IQGAP2: variants seen among roughly 807,000 people sequenced by gnomAD.
The protein encoded by IQGAP2 is ras GTPase-activating-like protein IQGAP2.
IQGAP2 carries 173 observed loss-of-function variants against 201.3 expected under a neutral mutation model. That is an observed-to-expected ratio of 0.86 (90% confidence interval 0.76 to 0.98). IQGAP2 has a LOEUF of 0.98. Ranked by LOEUF, IQGAP2 falls within the 50% of genes least tolerant of loss-of-function variation. The probability of loss-of-function intolerance (pLI) is 0.00; values close to 1 mark genes in which losing one functional copy is unlikely to be tolerated. For synonymous variants in IQGAP2, 675 were observed against 673.9 expected (o/e 1.00, Z -0.03); for missense variants, 1,687 against 1,864.8 (o/e 0.90, Z 1.76).
chr5:76,450,852 C>A (rs533034975), intron 1 of IQGAP2, among the ~76,000 whole-genome samples: 11 of 152,300 alleles, frequency 7.2e-5, no homozygotes, highest in South Asian at 2.1e-4. Flanking sequence ...TGATCCATGA[C>A]TGTATTGTCA....
intron 1 of IQGAP2, among the ~76,000 whole-genome samples, chr5:76,417,878 G>A (rs1751501957): frequency 6.6e-6 from 1 of 151,898 alleles, no homozygotes; most frequent in African/African-American, 2.4e-5. Flanking sequence ...CATTGTGCCT[G>A]GCTGATATGT....
At position 76,403,457 on chromosome 5, in the gene IQGAP2, C is replaced by A; in HGVS notation, c.-89C>A. ...AAATCGGCGAGAGGCGGGATCCGAG[C>A]GCGCCGGCGGGGCGCAGAGCCCGCG... On this transcript the variant is annotated 5_prime_UTR_variant, in exon 1 of 36. Coordinates refer to ENST00000274364, the MANE Select transcript of IQGAP2 (RefSeq NM_006633.5). The surrounding 1 kb of genome is among the most constrained non-coding windows in gnomAD (Gnocchi z 4.8). 9.9e-7 allele frequency: 1 copy of A among 1,012,402 alleles called. No homozygotes were observed. The highest frequency in any genetic ancestry group is 1.3e-6 in the Non-Finnish European group (1 of 765,652). The allele number at this position is 1,012,402 out of a possible 1,614,324, so 62.7% of individuals were successfully genotyped here.
At position 76,562,497 on chromosome 5, in the gene IQGAP2, C is replaced by A. The variant is rs748711870; in HGVS notation, c.248C>A (p.Ala83Asp). The change falls in exon 3 of 36, where the codon GCC becomes GAC. Residue 83 changes from alanine (A) to aspartate (D), a missense_variant. Coordinates refer to ENST00000274364, the MANE Select transcript of IQGAP2 (RefSeq NM_006633.5). Reference sequence around the variant, plus strand: ...CTTGCAAAGTTAGCCAAGTTCTTTGCCCCGAAAATGGTATCAGAGAAAAAG... The same window carrying A: ...CTTGCAAAGTTAGCCAAGTTCTTTGACCCGAAAATGGTATCAGAGAAAAAG... Reference protein sequence around the residue: ...VYLAKLAKFFAPKMVSEKKIY... With the variant: ...VYLAKLAKFFDPKMVSEKKIY... 6.2e-7 allele frequency: 1 copy of A among 1,613,874 alleles called. No individual in the cohort carries two copies. The highest frequency in any genetic ancestry group is 2.2e-5 in the East Asian group (1 of 44,868).
In IQGAP2 at chr5:76,562,540, A is replaced by C; in HGVS notation, c.291A>C (p.Gln97His). Residue 97 changes from glutamine to histidine, a missense_variant, in exon 3 of 36, where the codon CAA becomes CAC. Physicochemically the swap from Gln to His is conservative, Grantham distance 24 (BLOSUM62 0). Transcript: ENST00000274364. ...VSEKKIYDVEQTRYKKSGLHF... is the reference protein window; with the variant it reads ...VSEKKIYDVEHTRYKKSGLHF... ...AGAAAAAGATCTATGATGTGGAACA[A>C]ACACGTTATAAGGTAACCAAGATCT... is the stretch of plus-strand genomic sequence containing the variant. 6.2e-7 allele frequency: 1 copy of C among 1,613,742 alleles called. No individual in the cohort carries two copies. Among genetic ancestry groups the C allele is most frequent in the Non-Finnish European group, 8.5e-7 (1 of 1,179,878 alleles).
intron 2 of IQGAP2, among the ~76,000 whole-genome samples, chr5:76,486,959 CA>C (rs1756184958): frequency 6.6e-6 from 1 of 152,082 alleles, no homozygotes; most frequent in Admixed American, 6.5e-5. Context: ...ATATTTTAGT[CA>C]CCTGCATTTA....
At chr5:76,620,310 T>C (rs1561519919) in intron 13 of IQGAP2, among the ~76,000 whole-genome samples, 1 of 152,140 alleles carries the variant, frequency 6.6e-6, no homozygotes, top group East Asian at 1.9e-4. Flanking sequence ...AGAACAGTGG[T>C]TATGGAAAGG....
chr5:76,617,679 G>A (rs990353044), intron 13 of IQGAP2: 17 of 1,613,932 alleles, frequency 1.1e-5, no homozygotes, highest in Non-Finnish European at 1.2e-5. Context: ...CAGGCACAAA[G>A]CTATGAGATA....
chr5:76,490,637 A>G (rs1756479129), intron 2 of IQGAP2, among the ~76,000 whole-genome samples: 1 of 152,240 alleles, frequency 6.6e-6, no homozygotes, highest in Non-Finnish European at 1.5e-5. Context: ...AGCTCAAAAC[A>G]TAATAGTGGC....
chr5:76,611,262 T>C lies in IQGAP2; in HGVS notation c.1521+79T>C, dbSNP rs536415388. 3 of 1,072,736 alleles carry C rather than the reference T, an allele frequency of 2.8e-6. No individual in the cohort carries two copies. In the Admixed American group the frequency reaches 7.1e-5, roughly 25 times the overall value. The allele number at this position is 1,072,736 out of a possible 1,614,324, so 66.5% of individuals were successfully genotyped here. A position where few individuals can be genotyped will look rare whatever the true frequency, so the allele number is the denominator to read the frequency against. The stretch of plus-strand genomic sequence containing the variant: ...GAGAGAAGGAGGAGGATTTGACCCA[T>C]TTACGTTAAATCTCATGAGCTTCTT... On this transcript the variant is annotated intron_variant, in intron 13 of 35. Transcript: ENST00000274364.
chr5:76,703,851 A>G (rs3822547), intron 35 of IQGAP2, among the ~76,000 whole-genome samples: 49,065 of 152,048 alleles, frequency 0.32, 8,066 homozygotes, highest in Non-Finnish European at 0.35. Flanking sequence ...GTTTACATGA[A>G]TCATCTCACT....
intron 1 of IQGAP2, chr5:76,404,418 TC>T: frequency 1.0e-6 from 1 of 976,324 alleles, no homozygotes; most frequent in Non-Finnish European, 1.2e-6. Flanking sequence ...AGGAAGCATT[TC>T]CTTTAAAACA....
chr5:76,403,459 C>T lies in IQGAP2; in HGVS notation c.-87C>T. 2 of 1,052,216 alleles carry T rather than the reference C, an allele frequency of 1.9e-6. No individual in the cohort carries two copies. Among genetic ancestry groups the T allele is most frequent in the Non-Finnish European group, 2.5e-6 (2 of 800,836 alleles). The allele number at this position is 1,052,216 out of a possible 1,614,324, so 65.2% of individuals were successfully genotyped here. A position where few individuals can be genotyped will look rare whatever the true frequency, so the allele number is the denominator to read the frequency against. The stretch of plus-strand genomic sequence containing the variant: ...ATCGGCGAGAGGCGGGATCCGAGCG[C>T]GCCGGCGGGGCGCAGAGCCCGCGAG... On this transcript the variant is annotated 5_prime_UTR_variant, in exon 1 of 36. Coordinates refer to ENST00000274364, the MANE Select transcript of IQGAP2 (RefSeq NM_006633.5). This position sits in a 1 kb window ranked among gnomAD's most constrained non-coding sequence, Gnocchi z 4.8.
In IQGAP2 at chr5:76,486,507, A is replaced by G. The variant is rs1203106412; in HGVS notation, c.146+24838A>G. Among the ~76,000 whole-genome samples, 5 of 152,334 alleles carry G rather than the reference A, an allele frequency of 3.3e-5. No individual in the cohort carries two copies. In the South Asian group the frequency reaches 1.0e-3, roughly 32 times the overall value. On this transcript the variant is annotated intron_variant, in intron 2 of 35. Transcript: ENST00000274364. Reference sequence around the variant, plus strand: ...TCAACACATAAATTTCATCAATTTCAGACCTTAAGCACGGTTATCAACCTG... The same window carrying G: ...TCAACACATAAATTTCATCAATTTCGGACCTTAAGCACGGTTATCAACCTG...
Position 76,674,813 on chromosome 5 carries a change from A to G in IQGAP2, c.3527+104A>G, listed in dbSNP as rs1305959356. 9 of 791,986 alleles carry G rather than the reference A, an allele frequency of 1.1e-5. No homozygotes were observed. The Admixed American group carries it at 2.1e-4, about 19-fold the overall frequency. The allele number at this position is 791,986 out of a possible 1,614,324, so 49.1% of individuals were successfully genotyped here. ...AGTGGGCATGGAGGACAGGAACCCC[A>G]GGTGGTTACAAGCATTTCTTCTACC... is the stretch of plus-strand genomic sequence containing the variant. On this transcript the variant is annotated intron_variant, in intron 27 of 35. Coordinates refer to ENST00000274364, the MANE Select transcript of IQGAP2 (RefSeq NM_006633.5).
chr5:76,457,165 T>C (rs1754138889), intron 1 of IQGAP2, among the ~76,000 whole-genome samples: 1 of 152,082 alleles, frequency 6.6e-6, no homozygotes, highest in Non-Finnish European at 1.5e-5. Context: ...TTTTTGTATT[T>C]TTTTGTAGAG....
At chr5:76,512,314 G>C (rs961528410) in intron 2 of IQGAP2, among the ~76,000 whole-genome samples, 2 of 152,216 alleles carry the variant, frequency 1.3e-5, no homozygotes, top group African/African-American at 4.8e-5. Context: ...CTCAGACTTT[G>C]TATAAGGCTT....
Position 76,556,388 on chromosome 5 carries a change from C to T in IQGAP2, c.147-6008C>T, listed in dbSNP as rs181903190. On this transcript the variant is annotated intron_variant, in intron 2 of 35. Coordinates refer to ENST00000274364, the MANE Select transcript of IQGAP2 (RefSeq NM_006633.5). ...TTGAACATGTCTACTCCTTAGTTCC[C>T]GCTGGCATTCACCTGTGCAAGCTCC... Among the ~76,000 whole-genome samples the T allele has an allele frequency of 2.9e-3, 435 of 152,216 alleles. 5 individuals carry two copies. The highest frequency in any genetic ancestry group is 1.0e-2 in the African/African-American group (414 of 41,530).
intron 30 of IQGAP2, among the ~76,000 whole-genome samples, chr5:76,687,982 G>A (rs1225669129): frequency 6.6e-6 from 1 of 152,104 alleles, no homozygotes; most frequent in African/African-American, 2.4e-5. Flanking sequence ...ACCTGTCCCT[G>A]GTGCCAAAAG....
chr5:76,442,798 C>T (rs755562817), intron 1 of IQGAP2, among the ~76,000 whole-genome samples: 50 of 152,224 alleles, frequency 3.3e-4, no homozygotes, highest in Non-Finnish European at 5.9e-4. Flanking sequence ...ACCAGCTGGC[C>T]AACATGGTGA....
Sources: gnomAD v4.1 joint callset for allele counts (sites outside exome capture counted in the v4.1 genomes callset) on GRCh38, gnomAD v4.1.1 for gene constraint, Gnocchi (gnomAD v3.1) non-coding constraint, MANE v1.5 for transcripts, NCBI Gene and HGNC (gene_info 2026-07-23, HGNC 2026-07-21) for gene names.